LYPD4: variants seen among roughly 807,000 people sequenced by gnomAD.
LYPD4 encodes the protein ly6/PLAUR domain-containing protein 4.
Under a neutral mutation model 18.2 loss-of-function variants are expected in LYPD4, and 20 were observed. That is an observed-to-expected ratio of 1.10 (90% CI 0.77 to 1.59). The LOEUF (loss-of-function observed/expected upper bound fraction) is 1.59, where lower values mean the gene tolerates loss of function less well. Ranked by LOEUF, LYPD4 falls within the 40% of genes most tolerant of loss-of-function variation. LYPD4 has a pLI of 0.00. For missense variants in LYPD4, 278 were observed against 300.3 expected (o/e 0.93, Z 0.55); for synonymous variants, 111 against 118.3 (o/e 0.94, Z 0.40).
At chr19:41,840,896 A>T (rs2073566345) in intron 1 of LYPD4, among the ~76,000 whole-genome samples, 1 of 152,164 alleles carries the variant, frequency 6.6e-6, no homozygotes, top group Admixed American at 6.5e-5. Flanking sequence ...CAGTATTTAG[A>T]AGTAAATTTA....
In LYPD4 at chr19:41,837,342, A is replaced by G; in HGVS notation, c.542T>C (p.Phe181Ser). The change falls in exon 5 of 5, where the codon TTT becomes TCT. Residue 181 changes from phenylalanine (F) to serine (S), a missense_variant. By Grantham distance (155) the Phe-to-Ser change is radical (BLOSUM62 -2). Coordinates refer to ENST00000609812, the MANE Select transcript of LYPD4 (RefSeq NM_173506.7). Reference protein sequence around the residue: ...YSSTLKFQAGFLNTTFLLMGC... With the variant: ...YSSTLKFQAGSLNTTFLLMGC... Reference sequence around the variant, plus strand: ...CATGAGGAGGAAGGTGGTATTGAGAAACCCTGTAAGGAAGAGAGGGAGAAG... The same window carrying G: ...CATGAGGAGGAAGGTGGTATTGAGAGACCCTGTAAGGAAGAGAGGGAGAAG... 1 of 1,613,944 alleles carries G rather than the reference A, an allele frequency of 6.2e-7. No homozygotes were observed.
chr19:41,838,219 G>T lies in LYPD4; in HGVS notation c.254C>A (p.Ser85Tyr), dbSNP rs142921466. The T allele has an allele frequency of 6.9e-3, 10,672 of 1,551,188 alleles. 58 individuals are homozygous for T. The highest frequency in any genetic ancestry group is 8.0e-3 in the Non-Finnish European group (9,195 of 1,147,438). ...GGAGATTTGCGCAGGGTAAGACGAA[G>T]ACGAGCTGCAGCCTTTAAAGCCCAC... Reference protein sequence around the residue: ...GVVGFKGCSSSSSYPAQISYL... With the variant: ...GVVGFKGCSSYSSYPAQISYL... The change falls in exon 4 of 5, where the codon TCT becomes TAT. Residue 85 changes from serine (S) to tyrosine (Y), a missense_variant. Physicochemically the swap from Ser to Tyr is moderately radical, Grantham distance 144 (BLOSUM62 -2). Coordinates refer to ENST00000609812, the MANE Select transcript of LYPD4 (RefSeq NM_173506.7).
In LYPD4 at chr19:41,837,209, T is replaced by C; in HGVS notation, c.675A>G (p.Ala225=). 6.2e-7 allele frequency: 1 copy of C among 1,614,118 alleles called. No homozygotes were observed. Among genetic ancestry groups the C allele is most frequent in the Non-Finnish European group, 8.5e-7 (1 of 1,179,970 alleles). Residue 225 remains alanine (A), a synonymous_variant, in exon 5 of 5, where the codon GCA becomes GCG. Transcript: ENST00000609812. Reference sequence around the variant, plus strand: ...AAGCAGGATCTTGCCTGGAGGATGCTGCACCAACAATCTGAGACTTCTCTA... The same window carrying C: ...AAGCAGGATCTTGCCTGGAGGATGCCGCACCAACAATCTGAGACTTCTCTA... ...NILEKSQIVG[A]ASSRQDPAWG...
At chr19:41,842,067 T>TC (rs1185574161) in intron 1 of LYPD4, among the ~76,000 whole-genome samples, 1 of 152,160 alleles carries the variant, frequency 6.6e-6, no homozygotes, top group Non-Finnish European at 1.5e-5. Flanking sequence ...ATTTTTTTTT[T>TC]CTGAGACTGG....
downstream of LYPD4, among the ~76,000 whole-genome samples, chr19:41,836,208 G>C (rs1007049356): frequency 7.6e-6 from 1 of 131,976 alleles, no homozygotes; most frequent in African/African-American, 2.9e-5. Flanking sequence ...CCTTTCCTAG[G>C]AACCCAGAAC....
intron 1 of LYPD4, among the ~76,000 whole-genome samples, chr19:41,842,764 C>CAAAAAAAAAAAA (rs782233081): frequency 2.4e-4 from 12 of 49,796 alleles, no homozygotes; most frequent in African/African-American, 3.5e-4. Context: ...TCCGTCTAAA[C>CAAAAAAAAAAAA]AAAAAAAAAA....
downstream of LYPD4, chr19:41,836,926 A>G: frequency 1.2e-6 from 1 of 864,322 alleles, no homozygotes; most frequent in Non-Finnish European, 1.7e-6. Flanking sequence ...GGGGAAGGAG[A>G]AAAGGAATAT....
At chr19:41,840,571 G>A (rs782547188) in intron 1 of LYPD4, among the ~76,000 whole-genome samples, 17 of 152,082 alleles carry the variant, frequency 1.1e-4, no homozygotes, top group Non-Finnish European at 2.1e-4. Context: ...AGTATCTCCC[G>A]CCTGTAATCC....
chr19:41,837,389 A>G, intron 4 of LYPD4, 44 bp from the exon 5 acceptor site: 1 of 1,608,098 alleles, frequency 6.2e-7, no homozygotes, highest in Non-Finnish European at 8.5e-7. Flanking sequence ...TTCAAGACTC[A>G]AGAGCCCTGC....
In LYPD4 at chr19:41,839,680, T is replaced by TGTG. The variant is rs60674548; in HGVS notation, c.-120-276_-120-275insCAC. 410 of 213,564 alleles carry TGTG rather than the reference T, an allele frequency of 1.9e-3. 25 individuals are homozygous for TGTG. Among genetic ancestry groups the TGTG allele is most frequent in the East Asian group, 7.0e-3 (59 of 8,390 alleles). 13.2% of individuals were successfully genotyped at this position (213,564 alleles called of 1,614,324 possible). On this transcript the variant is annotated intron_variant, in intron 1 of 4. Transcript: ENST00000609812. ...AATAGATGTTTCAAACTCGTGTGTGTTGTGTGTGTGTGTGTGTGTGTGTGT... is the reference window on the plus strand; with the variant it reads ...AATAGATGTTTCAAACTCGTGTGTGTGTGTGTGTGTGTGTGTGTGTGTGTGTGT...
intron 1 of LYPD4, among the ~76,000 whole-genome samples, chr19:41,841,800 G>A (rs1452038901): frequency 1.3e-5 from 2 of 152,110 alleles, no homozygotes; most frequent in Non-Finnish European, 2.9e-5. Flanking sequence ...TGGCAGGTAT[G>A]TGGGGATAAA....
downstream of LYPD4, chr19:41,835,732 G>A (rs1423409633): frequency 1.1e-5 from 11 of 972,566 alleles, no homozygotes; most frequent in Non-Finnish European, 1.1e-5. Context: ...GAGGTCCATG[G>A]TAACCGAAAC....
chr19:41,840,966 C>T (rs1279901206), intron 1 of LYPD4, among the ~76,000 whole-genome samples: 4 of 151,896 alleles, frequency 2.6e-5, no homozygotes, highest in Non-Finnish European at 5.9e-5. Context: ...TATTCATGAA[C>T]TAGTTCAAGA....
At chr19:41,839,426 C>CA in intron 1 of LYPD4, 21 bp from the exon 2 acceptor site, 1 of 776,300 alleles carries the variant, frequency 1.3e-6, no homozygotes, top group Non-Finnish European at 2.2e-6. Flanking sequence ...AAGTTGATTG[C>CA]ATCAGCTTCT....
At chr19:41,838,395 T>C in intron 3 of LYPD4, 134 bp from the exon 4 acceptor site, 1 of 705,684 alleles carries the variant, frequency 1.4e-6, no homozygotes, top group Non-Finnish European at 2.2e-6. Flanking sequence ...CTGTGTCCAC[T>C]CAGTGCAGCT....
At chr19:41,839,541 G>C in intron 1 of LYPD4, 136 bp from the exon 2 acceptor site, 1 of 516,462 alleles carries the variant, frequency 1.9e-6, no homozygotes, top group Non-Finnish European at 3.5e-6. Context: ...TCTCAAAGCA[G>C]GACTCTCACT....
In LYPD4 at chr19:41,837,312, C is replaced by T. The variant is rs1412833437; in HGVS notation, c.572G>A (p.Cys191Tyr). ...FLNTTFLLMG[C>Y]AREHNQLLAD... ...TAAAAGCTGGTTATGTTCACGAGCACACCCCATGAGGAGGAAGGTGGTATT... is the reference window on the plus strand; with the variant it reads ...TAAAAGCTGGTTATGTTCACGAGCATACCCCATGAGGAGGAAGGTGGTATT... The change falls in exon 5 of 5, where the codon TGT becomes TAT. Residue 191 changes from cysteine (C) to tyrosine (Y), a missense_variant. Physicochemically the swap from Cys to Tyr is radical, Grantham distance 194 (BLOSUM62 -2). Coordinates refer to ENST00000609812, the MANE Select transcript of LYPD4 (RefSeq NM_173506.7). 12 of 1,613,896 alleles carry T rather than the reference C, an allele frequency of 7.4e-6. No homozygotes were observed. The highest frequency in any genetic ancestry group is 9.3e-6 in the Non-Finnish European group (11 of 1,179,948).
chr19:41,840,761 C>T (rs1487736886), intron 1 of LYPD4, among the ~76,000 whole-genome samples: 1 of 151,114 alleles, frequency 6.6e-6, no homozygotes, highest in Admixed American at 6.6e-5. Flanking sequence ...ACCCGGGAGG[C>T]GGAGCTTGCA....
chr19:41,839,696 G>GTT (rs1486361253), intron 1 of LYPD4: 22 of 194,500 alleles, frequency 1.1e-4, no homozygotes, highest in Admixed American at 2.2e-4. Context: ...GTGTGTGTGT[G>GTT]TGTGTGTGTA....
Sources: gnomAD v4.1 joint callset for allele counts (sites outside exome capture counted in the v4.1 genomes callset) on GRCh38, gnomAD v4.1.1 for gene constraint, MANE v1.5 for transcripts, NCBI Gene and HGNC (gene_info 2026-07-23, HGNC 2026-07-21) for gene names.